SLCO1C1: variants seen among roughly 807,000 people sequenced by gnomAD.
The protein encoded by SLCO1C1 is solute carrier organic anion transporter family member 1C1, also known as OAT-RP-5.
In SLCO1C1, 70 loss-of-function variants were observed where a neutral mutation model predicts 76.4. The observed-to-expected ratio is 0.92, with a 90% CI of 0.76 to 1.12. The LOEUF is 1.12. Among genes scored for constraint, SLCO1C1 ranks in the 50% most tolerant of loss-of-function variants. The pLI is 0.00. For missense variants in SLCO1C1, 912 were observed against 823.8 expected (o/e 1.11, Z -1.31); for synonymous variants, 306 against 286.1 (o/e 1.07, Z -0.70).
At chr12:20,714,688 C>A in intron 5 of SLCO1C1, among the ~76,000 whole-genome samples, 1 of 152,168 alleles carries the variant, frequency 6.6e-6, no homozygotes. Context: ...ACTGGGTCAA[C>A]AATAAGATTA....
chr12:20,700,587 G>A (rs1183831620), intron 2 of SLCO1C1, among the ~76,000 whole-genome samples: 1 of 151,352 alleles, frequency 6.6e-6, no homozygotes, highest in African/African-American at 2.4e-5. Context: ...TCCTAATGCT[G>A]TCCCTCCCCG....
At chr12:20,701,607 C>G in intron 3 of SLCO1C1, 148 bp downstream of exon 3, 1 of 685,872 alleles carries the variant, frequency 1.5e-6, no homozygotes, top group Non-Finnish European at 2.0e-6. Context: ...TTACCATGAT[C>G]TTATTCTACA....
At position 20,706,026 on chromosome 12, in the gene SLCO1C1, G is replaced by A. The variant is rs1349894689; in HGVS notation, c.349G>A (p.Val117Ile). 6.2e-7 allele frequency: 1 copy of A among 1,613,318 alleles called. No homozygotes were observed. Among genetic ancestry groups the A allele is most frequent in the Non-Finnish European group, 8.5e-7 (1 of 1,179,470 alleles). The change falls in exon 4 of 15, where the codon GTA (valine) becomes ATA (isoleucine). Residue 117 changes from valine to isoleucine, a missense_variant. Val to Ile is a conservative substitution (Grantham distance 29). Transcript: ENST00000266509. ...GCCAAAAATAATTGGAGCAGGGTGT[G>A]TAATCATGGGAGTTGGAACACTGCT... Reference protein sequence around the residue: ...HRPKIIGAGCVIMGVGTLLIA... With the variant: ...HRPKIIGAGCIIMGVGTLLIA...
intron 10 of SLCO1C1, among the ~76,000 whole-genome samples, chr12:20,734,130 T>C (rs1948430951): frequency 6.6e-6 from 1 of 152,166 alleles, no homozygotes; most frequent in African/African-American, 2.4e-5. Context: ...GCTGTCCATC[T>C]CCCGTCCTAC....
At chr12:20,750,898 AAAG>A in intron 14 of SLCO1C1, 106 bp downstream of exon 14, 1 of 1,606,740 alleles carries the variant, frequency 6.2e-7, no homozygotes, top group Non-Finnish European at 8.5e-7. Flanking sequence ...CTTGTAAGGT[AAAG>A]AATAGTCTAA....
intron 13 of SLCO1C1, among the ~76,000 whole-genome samples, chr12:20,745,518 C>A (rs969863078): frequency 6.6e-6 from 1 of 151,780 alleles, no homozygotes; most frequent in Non-Finnish European, 1.5e-5. Flanking sequence ...AAAAGTGATA[C>A]AAGTATAAAA....
intron 7 of SLCO1C1, 84 bp downstream of exon 7, chr12:20,717,314 G>T: frequency 9.1e-7 from 1 of 1,095,848 alleles, no homozygotes. Flanking sequence ...TTATCAAATT[G>T]CCTTTTTATA....
intron 4 of SLCO1C1, among the ~76,000 whole-genome samples, chr12:20,710,673 A>C (rs73085053): frequency 0.076 from 11,527 of 152,216 alleles, 612 homozygotes; most frequent in African/African-American, 0.15. Context: ...GCAGTAGGGA[A>C]AAAGCAGAAT....
rs1396468489 is a variant in SLCO1C1, at chr12:20,732,036, C to G, written c.1187-873C>G. 2.6e-5 allele frequency among the ~76,000 whole-genome samples: 4 copies of G among 152,180 alleles called. No individual in the cohort carries two copies. In the East Asian group the frequency reaches 7.7e-4, roughly 29 times the overall value. On this transcript the variant is annotated intron_variant, in intron 9 of 14. Coordinates refer to ENST00000266509, the MANE Select transcript of SLCO1C1 (RefSeq NM_017435.5). The stretch of plus-strand genomic sequence containing the variant: ...CTCAGTGGTGGAACTGAGATCTAAA[C>G]CCAGGCAAGCTGGGTCTCCAGAGTC...
At chr12:20,710,200 CTTTTTTTTT>C (rs914645913) in intron 4 of SLCO1C1, among the ~76,000 whole-genome samples, 1 of 75,486 alleles carries the variant, frequency 1.3e-5, no homozygotes, top group Non-Finnish European at 2.3e-5. Context: ...CTCTACTTTT[CTTTTTTTTT>C]TTTTTTTTTT....
At position 20,750,533 on chromosome 12, in the gene SLCO1C1, G is replaced by C. The variant is rs1949250517; in HGVS notation, c.1799-142G>C. ...GAGAAAAGACTGGATTAGAGAGATA[G>C]GTTTGGGAGATTTCAGCATGTAATT... On this transcript the variant is annotated intron_variant, in intron 13 of 14. Coordinates refer to ENST00000266509, the MANE Select transcript of SLCO1C1 (RefSeq NM_017435.5). 5.7e-6 allele frequency: 4 copies of C among 705,800 alleles called. 1 individual carries two copies. The Admixed American group carries it at 1.0e-4, about 18-fold the overall frequency. 43.7% of individuals were successfully genotyped at this position (705,800 alleles called of 1,614,324 possible).
intron 3 of SLCO1C1, among the ~76,000 whole-genome samples, chr12:20,702,578 T>C (rs2120615301): frequency 6.6e-6 from 1 of 151,980 alleles, no homozygotes; most frequent in South Asian, 2.1e-4. Flanking sequence ...TAGATCACAT[T>C]TTGTGTAGCA....
chr12:20,724,411 G>GTATATA (rs1168220832), intron 9 of SLCO1C1, among the ~76,000 whole-genome samples: 1 of 88,212 alleles, frequency 1.1e-5, no homozygotes, highest in African/African-American at 4.8e-5. Flanking sequence ...GTGTGTGTGT[G>GTATATA]TATATATATA....
At chr12:20,747,799 A>G (rs969661929) in intron 13 of SLCO1C1, among the ~76,000 whole-genome samples, 1 of 152,154 alleles carries the variant, frequency 6.6e-6, no homozygotes, top group African/African-American at 2.4e-5. Context: ...GTTATTTAAA[A>G]ATGTAAACAT....
At chr12:20,699,735 A>C (rs2120594248) in intron 2 of SLCO1C1, 30 bp downstream of exon 2, 1 of 1,585,674 alleles carries the variant, frequency 6.3e-7, no homozygotes, top group East Asian at 2.3e-5. Context: ...AATAGTGTTG[A>C]TGCTCTTAGT....
intron 3 of SLCO1C1, among the ~76,000 whole-genome samples, chr12:20,704,782 G>A (rs961422467): frequency 6.6e-6 from 1 of 151,876 alleles, no homozygotes; most frequent in Non-Finnish European, 1.5e-5. Flanking sequence ...GAACTTCAAA[G>A]CAAGGCCACC....
intron 4 of SLCO1C1, among the ~76,000 whole-genome samples, chr12:20,706,511 C>A (rs1046536727): frequency 2.0e-5 from 3 of 152,092 alleles, no homozygotes; most frequent in African/African-American, 7.2e-5. Context: ...ATTCAATGTC[C>A]ATACAGTATC....
Position 20,740,247 on chromosome 12 carries a change from G to C in SLCO1C1, c.1612G>C (p.Val538Leu). 6.2e-7 allele frequency: 1 copy of C among 1,613,944 alleles called. No individual in the cohort carries two copies. Among genetic ancestry groups the C allele is most frequent in the Non-Finnish European group, 8.5e-7 (1 of 1,179,926 alleles). Residue 538 changes from valine to leucine, a missense_variant, in exon 12 of 15, where the codon GTG (valine) becomes CTG (leucine). Coordinates refer to ENST00000266509, the MANE Select transcript of SLCO1C1 (RefSeq NM_017435.5). ...ASKSGNSSGIVGRCQKDNGCP... is the reference protein window; with the variant it reads ...ASKSGNSSGILGRCQKDNGCP... ...TAAATCCGGAAATTCCTCAGGCATA[G>C]TGGGAAGATGTCAGAAAGACAATGG...
intron 10 of SLCO1C1, among the ~76,000 whole-genome samples, chr12:20,733,794 G>A (rs766251749): frequency 6.6e-6 from 1 of 152,086 alleles, no homozygotes; most frequent in Non-Finnish European, 1.5e-5. Context: ...TCTTGTATGG[G>A]GTGGGTGATT....
Sources: gnomAD v4.1 joint callset for allele counts (sites outside exome capture counted in the v4.1 genomes callset) on GRCh38, gnomAD v4.1.1 for gene constraint, MANE v1.5 for transcripts, NCBI Gene and HGNC (gene_info 2026-07-23, HGNC 2026-07-21) for gene names.